MRPS27: variants seen among roughly 807,000 people sequenced by gnomAD.
The protein encoded by MRPS27 is small ribosomal subunit protein mS27.
A neutral mutation model predicts 48.9 loss-of-function variants in MRPS27; 43 were observed. The ratio of observed to expected loss-of-function variants is 0.88; its 90% confidence interval spans 0.69 to 1.13. MRPS27 has a LOEUF of 1.13. MRPS27 is among the 50% of genes most tolerant of loss of function. The pLI, the probability that MRPS27 is intolerant of heterozygous loss-of-function variation, is 0.00. For synonymous variants in MRPS27, 188 were observed against 171.9 expected (o/e 1.09, Z -0.73); for missense variants, 467 against 476.3 (o/e 0.98, Z 0.18).
At chr5:72,266,011 T>A (rs1749099666) in intron 4 of MRPS27, among the ~76,000 whole-genome samples, 1 of 152,174 alleles carries the variant, frequency 6.6e-6, no homozygotes, top group Non-Finnish European at 1.5e-5. Context: ...TGAATACAGA[T>A]GCTAGAAAAT....
chr5:72,280,071 C>G (rs982722143), intron 4 of MRPS27, among the ~76,000 whole-genome samples: 1 of 152,212 alleles, frequency 6.6e-6, no homozygotes, highest in Non-Finnish European at 1.5e-5. Flanking sequence ...TTCTGCTCCA[C>G]TAGTCTATTT....
intron 2 of MRPS27, among the ~76,000 whole-genome samples, chr5:72,298,841 A>T (rs2112068120): frequency 6.6e-6 from 1 of 152,258 alleles, no homozygotes; most frequent in South Asian, 2.1e-4. Flanking sequence ...TCACCGCAGC[A>T]CTACTCACCA....
intron 8 of MRPS27, 117 bp downstream of exon 8, chr5:72,228,149 G>A (rs1053084416): frequency 1.9e-5 from 17 of 885,176 alleles, no homozygotes; most frequent in Non-Finnish European, 2.3e-5. Context: ...GTCTAAAAAC[G>A]AAGGCTAATT....
intron 4 of MRPS27, among the ~76,000 whole-genome samples, chr5:72,241,032 T>G (rs563954064): frequency 6.6e-6 from 1 of 152,332 alleles, no homozygotes; most frequent in African/African-American, 2.4e-5. Flanking sequence ...GGGCATTTTC[T>G]TTTTTATTGT....
At chr5:72,307,250 G>A (rs1351613664) in intron 2 of MRPS27, among the ~76,000 whole-genome samples, 1 of 152,212 alleles carries the variant, frequency 6.6e-6, no homozygotes, top group Non-Finnish European at 1.5e-5. Context: ...TTCTCGGGAG[G>A]CTGAGGCAGG....
intron 7 of MRPS27, among the ~76,000 whole-genome samples, chr5:72,229,710 T>G (rs929494642): frequency 1.3e-5 from 2 of 152,120 alleles, no homozygotes; most frequent in African/African-American, 4.8e-5. Context: ...TGACAGTGAC[T>G]GGGATGGTTA....
chr5:72,228,148 C>A, intron 8 of MRPS27, 118 bp downstream of exon 8: 1 of 878,682 alleles, frequency 1.1e-6, no homozygotes, highest in Non-Finnish European at 1.8e-6. Flanking sequence ...TGTCTAAAAA[C>A]GAAGGCTAAT....
intron 4 of MRPS27, among the ~76,000 whole-genome samples, chr5:72,276,396 C>T (rs1172082719): frequency 2.0e-5 from 3 of 152,244 alleles, no homozygotes; most frequent in African/African-American, 7.2e-5. Context: ...CTTCCTTACC[C>T]CTTACACAAA....
intron 2 of MRPS27, among the ~76,000 whole-genome samples, chr5:72,313,348 G>A (rs183975317): frequency 1.3e-5 from 2 of 152,252 alleles, no homozygotes. Flanking sequence ...TATTAGATCA[G>A]CATAGGAATT....
At chr5:72,305,554 G>A (rs893535459) in intron 2 of MRPS27, among the ~76,000 whole-genome samples, 1 of 152,176 alleles carries the variant, frequency 6.6e-6, no homozygotes, top group African/African-American at 2.4e-5. Flanking sequence ...CAAACCAAGA[G>A]AAACCAACAC....
chr5:72,289,875 T>C (rs1248700761), intron 4 of MRPS27, among the ~76,000 whole-genome samples: 1 of 152,198 alleles, frequency 6.6e-6, no homozygotes, highest in African/African-American at 2.4e-5. Context: ...TTCATACATC[T>C]CTAAACTACC....
chr5:72,314,076 C>T lies in MRPS27; in HGVS notation c.151+5G>A, dbSNP rs887495274. ...GACACATATAATAGTCCAATAGGTACCTACCAAGACAGTAATGTTCTTTTT... is the reference window on the plus strand; with the variant it reads ...GACACATATAATAGTCCAATAGGTATCTACCAAGACAGTAATGTTCTTTTT... On this transcript the variant is annotated splice_donor_5th_base_variant and intron_variant, in intron 2 of 10. Coordinates refer to ENST00000261413, the MANE Select transcript of MRPS27 (RefSeq NM_015084.3). The T allele has an allele frequency of 6.2e-7, 1 of 1,608,592 alleles. No individual in the cohort carries two copies. Among genetic ancestry groups the T allele is most frequent in the East Asian group, 2.2e-5 (1 of 44,750 alleles).
chr5:72,276,344 G>C (rs60073259), intron 4 of MRPS27, among the ~76,000 whole-genome samples: 9,640 of 152,172 alleles, frequency 0.063, 550 homozygotes, highest in African/African-American at 0.15. Flanking sequence ...AATGGTGCTG[G>C]GAGAACTGGC....
At chr5:72,232,251 T>C (rs535455922) in intron 7 of MRPS27, among the ~76,000 whole-genome samples, 192 bp downstream of exon 7, 11 of 152,294 alleles carry the variant, frequency 7.2e-5, no homozygotes, top group East Asian at 3.9e-4. Flanking sequence ...GGACTTTCTT[T>C]TGAGATTCTC....
At chr5:72,252,862 C>T (rs1748703187) in intron 4 of MRPS27, among the ~76,000 whole-genome samples, 1 of 152,128 alleles carries the variant, frequency 6.6e-6, no homozygotes, top group Non-Finnish European at 1.5e-5. Flanking sequence ...GTCTTTTCTC[C>T]TTGGACAGTC....
chr5:72,220,852 C>A lies in MRPS27; in HGVS notation c.*57G>T. On this transcript the variant is annotated 3_prime_UTR_variant, in exon 11 of 11. Coordinates refer to ENST00000261413, the MANE Select transcript of MRPS27 (RefSeq NM_015084.3). Reference sequence around the variant, plus strand: ...GCTGTTGTCCAGGCCACTGCTGAGTCCTGGCACGGGGTTGAGTGAAGTTCT... The same window carrying A: ...GCTGTTGTCCAGGCCACTGCTGAGTACTGGCACGGGGTTGAGTGAAGTTCT... 9 of 1,603,106 alleles carry A rather than the reference C, an allele frequency of 5.6e-6. No individual in the cohort carries two copies. The highest frequency in any genetic ancestry group is 7.7e-6 in the Non-Finnish European group (9 of 1,175,188).
At chr5:72,247,619 T>C (rs1461658387) in intron 4 of MRPS27, among the ~76,000 whole-genome samples, 1 of 152,220 alleles carries the variant, frequency 6.6e-6, no homozygotes, top group African/African-American at 2.4e-5. Context: ...TAAAGTACAT[T>C]ATAACTGAAG....
intron 2 of MRPS27, among the ~76,000 whole-genome samples, chr5:72,311,969 T>G (rs1387675561): frequency 2.0e-5 from 3 of 152,024 alleles, no homozygotes; most frequent in Non-Finnish European, 4.4e-5. Flanking sequence ...CTGTCTCTAT[T>G]AAAAATGCAA....
intron 4 of MRPS27, among the ~76,000 whole-genome samples, chr5:72,276,691 T>A (rs1324831029): frequency 6.6e-6 from 1 of 150,566 alleles, no homozygotes; most frequent in African/African-American, 2.4e-5. Context: ...ATATCCAGAG[T>A]CTGCAAGGAA....
Sources: allele counts gnomAD v4.1 joint callset (sites outside exome capture counted in the v4.1 genomes callset), GRCh38; gene constraint gnomAD v4.1.1; transcripts MANE v1.5; gene names NCBI Gene and HGNC (gene_info 2026-07-23, HGNC 2026-07-21).